LINGO1: variants seen among roughly 807,000 people sequenced by gnomAD.
LINGO1 encodes leucine-rich repeat and immunoglobulin-like domain-containing nogo receptor-interacting protein 1.
LINGO1 carries 11 observed loss-of-function variants against 37.3 expected under a neutral mutation model. The ratio of observed to expected loss-of-function variants is 0.29; its 90% CI spans 0.19 to 0.49. The LOEUF (loss-of-function observed/expected upper bound fraction) is 0.49, where lower values mean the gene tolerates loss of function less well. Among genes scored for constraint, LINGO1 ranks in the 20% least tolerant of loss-of-function variants. LINGO1 has a pLI of 0.99. For missense variants in LINGO1, 585 were observed against 878.2 expected, an observed-to-expected ratio of 0.67 and a Z score of 4.22; for synonymous variants, 387 against 403.0, an observed-to-expected ratio of 0.96 and a Z score of 0.48.
chr15:77,616,974 C>T (rs1490401461), intron 1 of LINGO1, among the ~76,000 whole-genome samples: 3 of 152,192 alleles, frequency 2.0e-5, no homozygotes, highest in Non-Finnish European at 4.4e-5. Flanking sequence ...GAGTTCTGCA[C>T]AGCTGCTAGT....
rs1486341567 is a variant in LINGO1 at position 77,776,490 on chromosome 15, C to G, written c.-257+10379G>C. ...GCAGGAAGGCAGGAAGGCAGGAAAG[C>G]AGGAAGGCAGGAAGGCAGGAAGGCA... On this transcript the variant is annotated intron_variant, in intron 1 of 3. Transcript: ENST00000561686. Among the ~76,000 whole-genome samples the G allele has an allele frequency of 2.0e-4, 14 of 71,728 alleles. 1 individual carries two copies. Among genetic ancestry groups the G allele is most frequent in the African/African-American group, 7.3e-4 (11 of 15,168 alleles). The allele number at this position is 71,728 out of a possible 152,430, so 47.1% of individuals were successfully genotyped here.
chr15:77,667,804 C>G (rs2075165864), intron 3 of LINGO1: 1 of 152,186 alleles, frequency 6.6e-6, no homozygotes, highest in Non-Finnish European at 1.5e-5. Flanking sequence ...GGTCATCTCT[C>G]CAGGACGAAG....
intron 3 of LINGO1, among the ~76,000 whole-genome samples, chr15:77,650,099 G>A (rs1189983415): frequency 6.6e-6 from 1 of 152,374 alleles, no homozygotes; most frequent in East Asian, 1.9e-4. Context: ...AAACTGTTAA[G>A]TGGTGAACAA....
chr15:77,678,580 G>A (rs954636078), intron 2 of LINGO1, among the ~76,000 whole-genome samples: 5 of 152,212 alleles, frequency 3.3e-5, no homozygotes, highest in African/African-American at 1.2e-4. Context: ...GGGCATTTGT[G>A]TTGTTTCCAG....
intron 3 of LINGO1, among the ~76,000 whole-genome samples, chr15:77,665,922 C>A (rs1194383134): frequency 1.3e-5 from 2 of 152,232 alleles, no homozygotes; most frequent in Admixed American, 1.3e-4. Flanking sequence ...TCCCAGCCAC[C>A]CCCACACGGT....
chr15:77,691,163 CTT>C (rs1203202488), intron 1 of LINGO1, among the ~76,000 whole-genome samples: 1 of 152,172 alleles, frequency 6.6e-6, no homozygotes, highest in Non-Finnish European at 1.5e-5. Flanking sequence ...GATTTTTAAT[CTT>C]GTTTTATTTT....
rs535540355 is a variant in LINGO1, at chr15:77,774,451, G to A, written c.-257+12418C>T. On this transcript the variant is annotated intron_variant, in intron 1 of 3. Transcript: ENST00000561686. The stretch of plus-strand genomic sequence containing the variant: ...CCAGCCCCCAGACACCACAAGCAGC[G>A]GGGCACCCTACAGGAGCCCTCTCCA... Among the ~76,000 whole-genome samples, 27 of 152,168 alleles carry A rather than the reference G, an allele frequency of 1.8e-4. 1 individual carries two copies. The highest frequency in any genetic ancestry group is 6.0e-4 in the African/African-American group (25 of 41,482).
intron 2 of LINGO1, among the ~76,000 whole-genome samples, chr15:77,724,939 C>G (rs143150538): frequency 6.6e-6 from 1 of 152,218 alleles, no homozygotes; most frequent in Non-Finnish European, 1.5e-5. Flanking sequence ...TGTGTGGACC[C>G]GGCCACCGCC....
intron 1 of LINGO1, among the ~76,000 whole-genome samples, chr15:77,743,155 C>T (rs1458424920): frequency 2.0e-5 from 3 of 152,082 alleles, no homozygotes; most frequent in African/African-American, 7.2e-5. Context: ...GGACTACCCC[C>T]TACCCCATGC....
chr15:77,624,088 TGTGA>T (rs2074014692), intron 1 of LINGO1, among the ~76,000 whole-genome samples: 1 of 150,362 alleles, frequency 6.7e-6, no homozygotes, highest in Admixed American at 6.6e-5. Context: ...TGTGTGTGTC[TGTGA>T]GTGATGTGTG....
intron 1 of LINGO1, among the ~76,000 whole-genome samples, chr15:77,804,482 G>A (rs1248678646): frequency 6.6e-6 from 1 of 152,216 alleles, no homozygotes; most frequent in Non-Finnish European, 1.5e-5. Context: ...CCCCATCGGG[G>A]AGGGCGAGAG....
At chr15:77,805,977 C>T (rs562664417) in intron 1 of LINGO1, among the ~76,000 whole-genome samples, 5 of 152,228 alleles carry the variant, frequency 3.3e-5, no homozygotes, top group Non-Finnish European at 7.3e-5. Flanking sequence ...GACCTCAGAG[C>T]TGTGACCCCG....
chr15:77,794,518 A>G (rs193063433), intron 2 of LINGO1, among the ~76,000 whole-genome samples: 25 of 135,902 alleles, frequency 1.8e-4, no homozygotes, highest in East Asian at 1.5e-3. Context: ...ATATACATAC[A>G]TATATGTATA....
At chr15:77,747,619 T>C (rs2076327345) in intron 1 of LINGO1, among the ~76,000 whole-genome samples, 1 of 152,036 alleles carries the variant, frequency 6.6e-6, no homozygotes, top group Admixed American at 6.6e-5. Flanking sequence ...AACAAAACAC[T>C]GACCTGCCTG....
intron 1 of LINGO1, among the ~76,000 whole-genome samples, chr15:77,798,185 G>C (rs2076888646): frequency 6.6e-6 from 1 of 152,212 alleles, no homozygotes; most frequent in Admixed American, 6.5e-5. Context: ...TGCCAGCCTA[G>C]GACACAGGGG....
intron 1 of LINGO1, among the ~76,000 whole-genome samples, chr15:77,770,802 G>C (rs544876327): frequency 4.3e-4 from 66 of 152,306 alleles, no homozygotes; most frequent in African/African-American, 1.6e-3. Flanking sequence ...CACAGGAGAA[G>C]GGAACTCCCA....
rs140932112 is a variant in LINGO1 at position 77,665,665 on chromosome 15, T to A, written c.-13+11424A>T. ...GCTGGCTTAGTCGCCATGCTGGGAA[T>A]TCCACCCGCCTGCAGACGCTGACCT... On this transcript the variant is annotated intron_variant, in intron 3 of 3. Transcript: ENST00000559893. Among the ~76,000 whole-genome samples the A allele has an allele frequency of 9.5e-4, 144 of 152,304 alleles. 1 individual carries two copies. Among genetic ancestry groups the A allele is most frequent in the Non-Finnish European group, 1.5e-3 (102 of 68,020 alleles).
intron 1 of LINGO1, among the ~76,000 whole-genome samples, chr15:77,800,448 T>C (rs573434367): frequency 4.2e-4 from 63 of 149,716 alleles, no homozygotes; most frequent in African/African-American, 1.5e-3. Flanking sequence ...AGAGGGAGAG[T>C]AGAGAGCTGA....
intron 3 of LINGO1, among the ~76,000 whole-genome samples, chr15:77,670,180 G>T (rs911631449): frequency 6.6e-6 from 1 of 152,120 alleles, no homozygotes; most frequent in Non-Finnish European, 1.5e-5. Flanking sequence ...ATTCGTGGTT[G>T]CCAGGGCCAG....
Sources: gnomAD v4.1 joint callset for allele counts (sites outside exome capture counted in the v4.1 genomes callset) on GRCh38, gnomAD v4.1.1 for gene constraint, MANE v1.5 for transcripts, NCBI Gene and HGNC (gene_info 2026-07-23, HGNC 2026-07-21) for gene names.